The following PTPN9 variants were observed in gnomAD, a reference collection of about 807,000 sequenced individuals.
The protein encoded by PTPN9 is protein tyrosine phosphatase non-receptor type 9, also known as tyrosine-protein phosphatase non-receptor type 9.
PTPN9 carries 26 observed loss-of-function variants against 69.8 expected under a neutral mutation model. The observed-to-expected ratio is 0.37, with a 90% CI of 0.27 to 0.52. PTPN9 has a LOEUF of 0.52. PTPN9 is among the 20% of genes least tolerant of loss of function. The probability of loss-of-function intolerance (pLI) is 0.91; values close to 1 mark genes in which losing one functional copy is unlikely to be tolerated. For missense variants in PTPN9, 549 were observed against 740.3 expected, an observed-to-expected ratio of 0.74 and a Z score of 3.00; for synonymous variants, 274 against 272.5, an observed-to-expected ratio of 1.01 and a Z score of -0.05.
chr15:75,579,131 G>A lies in PTPN9; in HGVS notation c.-355C>T, dbSNP rs2075188049. On this transcript the variant is annotated 5_prime_UTR_variant, in exon 1 of 13. Transcript: ENST00000618819. The stretch of plus-strand genomic sequence containing the variant: ...GGAACTTTTAGAGCCGGGAGCGAAG[G>A]GTCGGCGGAAATTTCCCGAAGGCCG... The A allele has an allele frequency of 6.4e-6, 1 of 156,684 alleles. No individual in the cohort carries two copies. The highest frequency in any genetic ancestry group is 2.4e-5 in the African/African-American group (1 of 41,644). 9.7% of individuals were successfully genotyped at this position (156,684 alleles called of 1,614,324 possible). A position where few individuals can be genotyped will look rare whatever the true frequency, so the allele number is the denominator to read the frequency against.
At chr15:75,501,044 T>C (rs930086608) in intron 7 of PTPN9, among the ~76,000 whole-genome samples, 1 of 152,148 alleles carries the variant, frequency 6.6e-6, no homozygotes, top group African/African-American at 2.4e-5. Context: ...CCCCTTTTTC[T>C]CCTCTTATTT....
chr15:75,467,951 G>A lies in PTPN9; in HGVS notation c.*818C>T, dbSNP rs1409260382. ...GGCTCCAACAGGTGGCAACTGGAAG[G>A]AGATAAGTCATTACTTAAGGAAGGG... On this transcript the variant is annotated 3_prime_UTR_variant, in exon 13 of 13. Coordinates refer to ENST00000618819, the MANE Select transcript of PTPN9 (RefSeq NM_002833.4). 6.5e-6 allele frequency: 1 copy of A among 152,680 alleles called. No homozygotes were observed. The highest frequency in any genetic ancestry group is 1.9e-4 in the East Asian group (1 of 5,202). The allele number at this position is 152,680 out of a possible 1,614,324, so 9.5% of individuals were successfully genotyped here.
chr15:75,545,925 G>A (rs2075030513), intron 1 of PTPN9, among the ~76,000 whole-genome samples: 1 of 152,172 alleles, frequency 6.6e-6, no homozygotes, highest in African/African-American at 2.4e-5. Context: ...TCCAGCCTGG[G>A]TGACAGAGCA....
intron 7 of PTPN9, 40 bp downstream of exon 7, chr15:75,505,635 T>A: frequency 6.5e-7 from 1 of 1,528,294 alleles, no homozygotes; most frequent in East Asian, 2.3e-5. Flanking sequence ...ACCAGAAGCA[T>A]CCTGGTAACC....
At chr15:75,504,468 C>T (rs1204408183) in intron 7 of PTPN9, among the ~76,000 whole-genome samples, 5 of 121,768 alleles carry the variant, frequency 4.1e-5, no homozygotes, top group African/African-American at 9.7e-5. Context: ...CCGCCCGGTC[C>T]GGGAGGGAGG....
chr15:75,491,702 C>T (rs1226753105), intron 7 of PTPN9, among the ~76,000 whole-genome samples: 6 of 152,022 alleles, frequency 3.9e-5, no homozygotes, highest in Non-Finnish European at 8.8e-5. Flanking sequence ...TGATACTGAT[C>T]AGAAAACTGG....
At chr15:75,524,371 A>T in intron 2 of PTPN9, 73 bp from the exon 3 acceptor site, 3 of 832,062 alleles carry the variant, frequency 3.6e-6, no homozygotes, top group Non-Finnish European at 5.9e-6. Flanking sequence ...TGTAACCACC[A>T]AATCTCAGAG....
intron 1 of PTPN9, among the ~76,000 whole-genome samples, chr15:75,534,671 T>G (rs1478742375): frequency 8.4e-6 from 1 of 118,624 alleles, no homozygotes; most frequent in Non-Finnish European, 1.8e-5. Context: ...TGAGACTCTA[T>G]CTCAAAAAAA....
At chr15:75,519,542 A>C (rs1020421064) in intron 4 of PTPN9, among the ~76,000 whole-genome samples, 6 of 152,214 alleles carry the variant, frequency 3.9e-5, no homozygotes, top group Admixed American at 2.0e-4. Flanking sequence ...TCTGAGGTAC[A>C]TGAAAGTTTC....
chr15:75,487,613 G>A (rs1321937407), intron 8 of PTPN9: 1 of 152,232 alleles, frequency 6.6e-6, no homozygotes, highest in Non-Finnish European at 1.5e-5. Context: ...TGACTCCAGA[G>A]CCCCAACTCA....
chr15:75,477,466 G>C (rs2074602449), intron 9 of PTPN9, among the ~76,000 whole-genome samples: 1 of 152,020 alleles, frequency 6.6e-6, no homozygotes. Flanking sequence ...ATGGTGGCAG[G>C]TGCCTGTAAT....
At chr15:75,511,671 C>G (rs2074845828) in intron 5 of PTPN9, among the ~76,000 whole-genome samples, 1 of 152,040 alleles carries the variant, frequency 6.6e-6, no homozygotes, top group Non-Finnish European at 1.5e-5. Flanking sequence ...ATTAAAAAGT[C>G]CCGTCTTTCC....
chr15:75,537,443 T>TAA (rs71140168), intron 1 of PTPN9, among the ~76,000 whole-genome samples: 4,250 of 20,406 alleles, frequency 0.21, 1,511 homozygotes, highest in African/African-American at 0.36. Flanking sequence ...ATATCTTCCC[T>TAA]AAAAAAAAAA....
rs182168394 is a variant in PTPN9, at chr15:75,487,006, C to T, written c.1062+3202G>A. 3.4e-4 allele frequency among the ~76,000 whole-genome samples: 52 copies of T among 151,880 alleles called. 1 individual carries two copies. The highest frequency in any genetic ancestry group is 2.6e-3 in the Admixed American group (40 of 15,232). ...TTCACCGTGTTAGCCAGGATGGTCTCGATCTCCTGACCTTGTGATCTGCCC... is the reference window on the plus strand; with the variant it reads ...TTCACCGTGTTAGCCAGGATGGTCTTGATCTCCTGACCTTGTGATCTGCCC... On this transcript the variant is annotated intron_variant, in intron 8 of 12. Transcript: ENST00000618819.
chr15:75,506,130 C>G (rs568310529), intron 6 of PTPN9, 127 bp from the exon 7 acceptor site: 2 of 741,344 alleles, frequency 2.7e-6, no homozygotes, highest in Non-Finnish European at 4.3e-6. Flanking sequence ...ACAAGGTATA[C>G]TTGTAAAAGT....
chr15:75,474,901 C>T (rs2074587309), intron 9 of PTPN9, among the ~76,000 whole-genome samples: 2 of 152,184 alleles, frequency 1.3e-5, no homozygotes, highest in Non-Finnish European at 2.9e-5. Flanking sequence ...CATAGACACA[C>T]CATGCTCACT....
At chr15:75,524,585 C>G (rs1286495074) in intron 2 of PTPN9, among the ~76,000 whole-genome samples, 1 of 152,040 alleles carries the variant, frequency 6.6e-6, no homozygotes, top group Non-Finnish European at 1.5e-5. Context: ...CGAGAGCAGC[C>G]TGGCCAACAT....
chr15:75,493,269 C>T (rs2074721594), intron 7 of PTPN9, among the ~76,000 whole-genome samples: 1 of 151,802 alleles, frequency 6.6e-6, no homozygotes. Context: ...AAAAGGCTAT[C>T]ATTAATATCC....
In PTPN9 at chr15:75,467,419, G is replaced by C. The variant is rs766091992; in HGVS notation, c.*1350C>G. On this transcript the variant is annotated 3_prime_UTR_variant, in exon 13 of 13. Coordinates refer to ENST00000618819, the MANE Select transcript of PTPN9 (RefSeq NM_002833.4). ...CTCTTGATTTATCCCTAGCACATAA[G>C]GATGAGTGGGCTGGGAGCAGGCAGG... The C allele has an allele frequency of 6.6e-6, 1 of 152,592 alleles. No individual in the cohort carries two copies. The highest frequency in any genetic ancestry group is 1.5e-5 in the Non-Finnish European group (1 of 68,056). The allele number at this position is 152,592 out of a possible 1,614,324, so 9.5% of individuals were successfully genotyped here.
Sources: gnomAD v4.1 joint callset for allele counts (sites outside exome capture counted in the v4.1 genomes callset) on GRCh38, gnomAD v4.1.1 for gene constraint, MANE v1.5 for transcripts, NCBI Gene and HGNC (gene_info 2026-07-23, HGNC 2026-07-21) for gene names.